KCNIP1: variants seen among roughly 807,000 people sequenced by gnomAD.
KCNIP1 encodes the protein A-type potassium channel modulatory protein KCNIP1.
KCNIP1 carries 18 observed loss-of-function variants against 33.0 expected under a neutral mutation model. That is an observed-to-expected ratio of 0.55 (90% CI 0.38 to 0.81). The LOEUF (loss-of-function observed/expected upper bound fraction) is 0.81. Among genes scored for constraint, KCNIP1 ranks in the 30% least tolerant of loss-of-function variants. The pLI, the probability that KCNIP1 is intolerant of heterozygous loss-of-function variation, is 0.00. For missense variants in KCNIP1, 238 were observed against 271.6 expected, an observed-to-expected ratio of 0.88 and a Z score of 0.87; for synonymous variants, 93 against 98.3, an observed-to-expected ratio of 0.95 and a Z score of 0.32.
intron 1 of KCNIP1, among the ~76,000 whole-genome samples, chr5:170,705,714 T>A (rs1763236493): frequency 6.6e-6 from 1 of 152,162 alleles, no homozygotes; most frequent in Non-Finnish European, 1.5e-5. Flanking sequence ...GTTGTGTCTC[T>A]GACAATAAAT....
chr5:170,720,519 C>A (rs1763782427), intron 3 of KCNIP1, 129 bp downstream of exon 3: 1 of 731,360 alleles, frequency 1.4e-6, no homozygotes, highest in South Asian at 1.6e-5. Flanking sequence ...GGCAGGACAC[C>A]TCCCTCATCG....
intron 1 of KCNIP1, among the ~76,000 whole-genome samples, chr5:170,417,644 G>A (rs544475848): frequency 2.6e-5 from 4 of 152,016 alleles, no homozygotes; most frequent in Admixed American, 2.6e-4. Flanking sequence ...TGTTTTTTTT[G>A]TGGGTATACA....
intron 1 of KCNIP1, among the ~76,000 whole-genome samples, chr5:170,616,139 G>T (rs1391062298): frequency 6.6e-6 from 1 of 152,138 alleles, no homozygotes; most frequent in Non-Finnish European, 1.5e-5. Context: ...ACCCTTATAG[G>T]CTCAAATCAC....
At chr5:170,711,272 A>G (rs752295900) in intron 1 of KCNIP1, among the ~76,000 whole-genome samples, 1 of 152,238 alleles carries the variant, frequency 6.6e-6, no homozygotes, top group Non-Finnish European at 1.5e-5. Context: ...GACTACTGGC[A>G]TTTGAGTTTC....
Position 170,540,877 on chromosome 5 carries a change from C to T in KCNIP1, c.61+36244C>T, listed in dbSNP as rs1295878190. 4.6e-5 allele frequency among the ~76,000 whole-genome samples: 7 copies of T among 152,116 alleles called. No homozygotes were observed. The South Asian group carries it at 8.3e-4, about 18-fold the overall frequency. On this transcript the variant is annotated intron_variant, in intron 1 of 7. Coordinates refer to ENST00000328939, the MANE Select transcript of KCNIP1 (RefSeq NM_014592.4). ...GTAGAGAAGGTCTTAGTGGCCACACCGAAAGGTAGGTGGAGGCTAACAGAT... is the reference window on the plus strand; with the variant it reads ...GTAGAGAAGGTCTTAGTGGCCACACTGAAAGGTAGGTGGAGGCTAACAGAT...
At chr5:170,659,962 C>G (rs193255858) in intron 1 of KCNIP1, among the ~76,000 whole-genome samples, 25 of 152,286 alleles carry the variant, frequency 1.6e-4, no homozygotes, top group African/African-American at 6.0e-4. Flanking sequence ...ATTGCTTATT[C>G]TGGCCTATTT....
At chr5:170,355,757 T>C (rs2113277239) in intron 1 of KCNIP1, among the ~76,000 whole-genome samples, 1 of 152,322 alleles carries the variant, frequency 6.6e-6, no homozygotes, top group East Asian at 1.9e-4. Context: ...TGCCTCCCTC[T>C]CTCTGCTCAG....
chr5:170,483,867 A>C (rs979875774), intron 1 of KCNIP1: 1 of 152,292 alleles, frequency 6.6e-6, no homozygotes, highest in African/African-American at 2.4e-5. Flanking sequence ...AATGAGTGTG[A>C]CGTGATGACT....
chr5:170,661,009 A>G (rs541553515), intron 1 of KCNIP1, among the ~76,000 whole-genome samples: 10 of 152,250 alleles, frequency 6.6e-5, no homozygotes, highest in South Asian at 2.1e-4. Context: ...CTCAGATGAC[A>G]CCTAGGTGGC....
intron 1 of KCNIP1, among the ~76,000 whole-genome samples, chr5:170,570,580 G>A (rs983272507): frequency 6.6e-6 from 1 of 152,190 alleles, no homozygotes; most frequent in Non-Finnish European, 1.5e-5. Context: ...TGAAATAGAG[G>A]CAGGTTTTAA....
Position 170,504,625 on chromosome 5 carries a change from C to T in KCNIP1, c.53C>T (p.Pro18Leu). 1 of 1,613,598 alleles carries T rather than the reference C, an allele frequency of 6.2e-7. No individual in the cohort carries two copies. Among genetic ancestry groups the T allele is most frequent in the Non-Finnish European group, 8.5e-7 (1 of 1,179,734 alleles). ...TCTCTGCAAACCAAACAAAGGCGACCCTCGAAAGGTAAGCCACCTTCTTCC... is the reference window on the plus strand; with the variant it reads ...TCTCTGCAAACCAAACAAAGGCGACTCTCGAAAGGTAAGCCACCTTCTTCC... ...FSSLQTKQRR[P>L]SKDKIEDELE... is the part of the protein sequence containing the mutation. Residue 18 changes from proline to leucine, a missense_variant, in exon 1 of 8, where the codon CCC becomes CTC. Physicochemically the swap from Pro to Leu is moderately conservative, Grantham distance 98 (BLOSUM62 -3). Transcript: ENST00000328939. The surrounding 1 kb of genome is among the most constrained non-coding windows in gnomAD (Gnocchi z 6.0).
intron 1 of KCNIP1, among the ~76,000 whole-genome samples, chr5:170,420,817 C>A (rs910076944): frequency 4.6e-5 from 7 of 152,266 alleles, no homozygotes; most frequent in South Asian, 4.2e-4. Context: ...TCTTCTCCCC[C>A]CCAACCCCAC....
At chr5:170,455,064 A>G (rs921875868) in intron 1 of KCNIP1, among the ~76,000 whole-genome samples, 2 of 152,250 alleles carry the variant, frequency 1.3e-5, no homozygotes, top group Admixed American at 6.5e-5. Flanking sequence ...CTCAAAATAC[A>G]TAAAACAAAA....
At chr5:170,627,420 A>C (rs547216034) in intron 1 of KCNIP1, among the ~76,000 whole-genome samples, 1 of 152,328 alleles carries the variant, frequency 6.6e-6, no homozygotes, top group South Asian at 2.1e-4. Flanking sequence ...CACACCTGCC[A>C]ATGCCGGGGC....
At chr5:170,575,865 AC>A (rs1757583195) in intron 1 of KCNIP1, among the ~76,000 whole-genome samples, 1 of 152,192 alleles carries the variant, frequency 6.6e-6, no homozygotes, top group East Asian at 1.9e-4. Flanking sequence ...TAGGTGGAAA[AC>A]TTTTTTTTCG....
intron 1 of KCNIP1, among the ~76,000 whole-genome samples, chr5:170,520,040 T>C (rs1229307003): frequency 6.6e-6 from 1 of 152,156 alleles, no homozygotes; most frequent in Admixed American, 6.5e-5. Flanking sequence ...CCCAAGCTTC[T>C]AGTACCACCC....
At chr5:170,457,609 C>T (rs551059211) in intron 1 of KCNIP1, among the ~76,000 whole-genome samples, 8 of 152,256 alleles carry the variant, frequency 5.3e-5, no homozygotes, top group Non-Finnish European at 8.8e-5. Context: ...CACTACAGCT[C>T]GGCTCTCAGG....
chr5:170,708,896 C>G (rs1323486910), intron 1 of KCNIP1, among the ~76,000 whole-genome samples: 1 of 151,856 alleles, frequency 6.6e-6, no homozygotes, highest in Non-Finnish European at 1.5e-5. Context: ...GAGACCCTGT[C>G]TCAAAAAAAG....
intron 1 of KCNIP1, among the ~76,000 whole-genome samples, chr5:170,647,838 T>C (rs6866371): frequency 0.66 from 100,090 of 151,944 alleles, 34,359 homozygotes; most frequent in African/African-American, 0.86. Context: ...AATGAGAAAA[T>C]AAGCCACAGA....
Sources: gnomAD v4.1 joint callset for allele counts (sites outside exome capture counted in the v4.1 genomes callset) on GRCh38, gnomAD v4.1.1 for gene constraint, Gnocchi (gnomAD v3.1) non-coding constraint, MANE v1.5 for transcripts, NCBI Gene and HGNC (gene_info 2026-07-23, HGNC 2026-07-21) for gene names.